The following PARD3 variants were observed in gnomAD, a reference collection of about 807,000 sequenced individuals.
The protein encoded by PARD3 is par-3 family cell polarity regulator.
Under a neutral mutation model 155.4 loss-of-function variants are expected in PARD3, and 75 were observed. The ratio of observed to expected loss-of-function variants is 0.48; its 90% confidence interval spans 0.40 to 0.58. The LOEUF is 0.58. Among genes scored for constraint, PARD3 ranks in the 20% least tolerant of loss-of-function variants. PARD3 has a pLI of 0.00. For synonymous variants in PARD3, 576 were observed against 610.5 expected, an observed-to-expected ratio of 0.94 and a Z score of 0.83; for missense variants, 1,642 against 1,721.7, an observed-to-expected ratio of 0.95 and a Z score of 0.82.
intron 22 of PARD3, 83 bp from the exon 23 acceptor site, chr10:34,131,666 G>C: frequency 8.4e-7 from 1 of 1,189,138 alleles, no homozygotes; most frequent in Non-Finnish European, 1.2e-6. Flanking sequence ...ATGGCAACTT[G>C]CTGTGAAATG....
At chr10:34,520,483 A>G (rs1336561753) in intron 2 of PARD3, among the ~76,000 whole-genome samples, 3 of 152,232 alleles carry the variant, frequency 2.0e-5, no homozygotes, top group African/African-American at 4.8e-5. Context: ...ACATCCATAT[A>G]TAGTAAAATC....
chr10:34,113,322 C>T (rs1002835510), intron 24 of PARD3, among the ~76,000 whole-genome samples: 1 of 152,106 alleles, frequency 6.6e-6, no homozygotes, highest in African/African-American at 2.4e-5. Context: ...AGTCTTTCTA[C>T]ATTTAAACAG....
chr10:34,737,556 T>TCC (rs2094937192), intron 1 of PARD3, among the ~76,000 whole-genome samples: 1 of 152,160 alleles, frequency 6.6e-6, no homozygotes, highest in Admixed American at 6.5e-5. Context: ...TTGTGTCCCC[T>TCC]CCACAATTCA....
At chr10:34,272,711 G>A (rs1414075054) in intron 21 of PARD3, among the ~76,000 whole-genome samples, 1 of 152,098 alleles carries the variant, frequency 6.6e-6, no homozygotes, top group Non-Finnish European at 1.5e-5. Flanking sequence ...ATGTGACAGA[G>A]CAAGATCCTG....
intron 1 of PARD3, among the ~76,000 whole-genome samples, chr10:34,771,224 G>A (rs1449422280): frequency 1.3e-5 from 2 of 152,228 alleles, no homozygotes; most frequent in Non-Finnish European, 2.9e-5. Flanking sequence ...AAATGGTGAT[G>A]CTAAATGTGC....
chr10:34,256,333 C>CA (rs1249991547), intron 22 of PARD3, among the ~76,000 whole-genome samples: 1 of 152,222 alleles, frequency 6.6e-6, no homozygotes, highest in East Asian at 1.9e-4. Context: ...AGCTGAGCTC[C>CA]ATGGGCTTCT....
intron 10 of PARD3, among the ~76,000 whole-genome samples, chr10:34,376,516 T>C (rs1279191377): frequency 1.3e-5 from 2 of 152,170 alleles, no homozygotes; most frequent in African/African-American, 4.8e-5. Flanking sequence ...TGGGCTAACG[T>C]ACCACTCAAT....
intron 2 of PARD3, among the ~76,000 whole-genome samples, chr10:34,670,309 G>T (rs368035600): frequency 7.4e-4 from 113 of 152,332 alleles, no homozygotes; most frequent in South Asian, 1.4e-3. Context: ...CGTGCACACC[G>T]GCTCGCCAGG....
At chr10:34,117,892 C>G (rs1235771119) in intron 24 of PARD3, among the ~76,000 whole-genome samples, 2 of 152,122 alleles carry the variant, frequency 1.3e-5, no homozygotes, top group African/African-American at 4.8e-5. Context: ...GCCGGGGCAA[C>G]AGAACAAGAC....
At chr10:34,554,139 T>C (rs970865025) in intron 2 of PARD3, among the ~76,000 whole-genome samples, 1 of 152,252 alleles carries the variant, frequency 6.6e-6, no homozygotes. Context: ...TAATTCCACA[T>C]TAAAATCAGG....
At position 34,384,213 on chromosome 10, in the gene PARD3, T is replaced by C. The variant is rs1842124698; in HGVS notation, c.932A>G (p.Lys311Arg). ...ACGAAAAAGATTTTCATGTTCAGCTTTACCACCTTTCTCCAATCGTTTTAC... is the reference window on the plus strand; with the variant it reads ...ACGAAAAAGATTTTCATGTTCAGCTCTACCACCTTTCTCCAATCGTTTTAC... ...LLVKRLEKGG[K>R]AEHENLFREN... Residue 311 changes from lysine to arginine, a missense_variant, in exon 8 of 25, where the codon AAA becomes AGA. Around this residue, in one of 3 missense-constraint regions of PARD3, gnomAD observed 1,529 missense variants for 1,587.3 expected, o/e 0.96. Coordinates refer to ENST00000374788, the MANE Select transcript of PARD3 (RefSeq NM_001184785.2). 6.2e-7 allele frequency: 1 copy of C among 1,613,628 alleles called. No homozygotes were observed. Among genetic ancestry groups the C allele is most frequent in the Admixed American group, 1.7e-5 (1 of 60,006 alleles).
chr10:34,419,189 G>A (rs1314685635), intron 5 of PARD3, among the ~76,000 whole-genome samples: 2 of 152,110 alleles, frequency 1.3e-5, no homozygotes, highest in Non-Finnish European at 2.9e-5. Flanking sequence ...TAAGAGCAAA[G>A]GTTCAGTGTT....
At chr10:34,598,953 G>GAACC (rs2089529709) in intron 2 of PARD3, among the ~76,000 whole-genome samples, 1 of 151,820 alleles carries the variant, frequency 6.6e-6, no homozygotes, top group Non-Finnish European at 1.5e-5. Flanking sequence ...TGCACACACA[G>GAACC]AACCCTGCCC....
chr10:34,194,770 TAA>T (rs1165885558), intron 22 of PARD3, among the ~76,000 whole-genome samples: 5 of 152,200 alleles, frequency 3.3e-5, no homozygotes, highest in African/African-American at 2.4e-5. Flanking sequence ...TAAAAATACT[TAA>T]GAGTTTCTTA....
chr10:34,258,480 A>C (rs967544976), intron 22 of PARD3, among the ~76,000 whole-genome samples: 2 of 152,144 alleles, frequency 1.3e-5, no homozygotes, highest in Non-Finnish European at 2.9e-5. Flanking sequence ...TGTTGAAACT[A>C]GAGGAGGTTT....
intron 3 of PARD3, 140 bp downstream of exon 3, chr10:34,516,839 G>GAACAT (rs1292371418): frequency 2.7e-6 from 2 of 742,026 alleles, no homozygotes; most frequent in Non-Finnish European, 4.3e-6. Context: ...CTCTTGCAAA[G>GAACAT]AACATTTGCC....
chr10:34,221,150 TCTCA>T (rs1280766143), intron 22 of PARD3, among the ~76,000 whole-genome samples: 2 of 152,228 alleles, frequency 1.3e-5, no homozygotes, highest in Non-Finnish European at 2.9e-5. Context: ...GTCTTGCCAC[TCTCA>T]CTATTTTATC....
chr10:34,122,034 G>A (rs1564409781), intron 23 of PARD3, among the ~76,000 whole-genome samples: 1 of 152,146 alleles, frequency 6.6e-6, no homozygotes, highest in East Asian at 1.9e-4. Flanking sequence ...TTCTTGTCAC[G>A]GTGAGCAATG....
intron 1 of PARD3, among the ~76,000 whole-genome samples, chr10:34,750,374 A>T (rs886837225): frequency 3.3e-5 from 5 of 152,018 alleles, no homozygotes; most frequent in Non-Finnish European, 5.9e-5. Flanking sequence ...GATTATTTTT[A>T]AAATAAAATG....
Sources: gnomAD v4.1 joint callset for allele counts (sites outside exome capture counted in the v4.1 genomes callset) on GRCh38, gnomAD v4.1.1 for gene constraint, gnomAD v4.1.1 regional missense constraint, MANE v1.5 for transcripts, NCBI Gene and HGNC (gene_info 2026-07-23, HGNC 2026-07-21) for gene names.